The following OR10J5 variants were observed in gnomAD, a reference collection of about 807,000 sequenced individuals.
The protein encoded by OR10J5 is olfactory receptor family 10 subfamily J member 5.
For synonymous variants in OR10J5, 171 were observed against 137.1 expected, an observed-to-expected ratio of 1.25 and a Z score of -1.73; for missense variants, 389 against 372.1, an observed-to-expected ratio of 1.05 and a Z score of -0.37.
chr1:159,535,212 A>T lies in OR10J5; in HGVS notation c.796T>A (p.Ser266Thr), dbSNP rs981727870. Residue 266 changes from serine (S) to threonine (T), a missense_variant, in exon 1 of 1, where the codon TCA (serine) becomes ACA (threonine). Coordinates refer to ENST00000334857, the MANE Select transcript of OR10J5 (RefSeq NM_001004469.1). The part of the protein sequence containing the change: ...IAYLKPKSES[S>T]IEKDLVLSVT... ...GAGAGAACAAGGTCTTTTTCTATTG[A>T]ACTTTCTGACTTCGGCTTGAGGTAG... 12 of 1,613,896 alleles carry T rather than the reference A, an allele frequency of 7.4e-6. No homozygotes were observed. The highest frequency in any genetic ancestry group is 1.0e-5 in the Non-Finnish European group (12 of 1,180,024).
chr1:159,535,831 C>T lies in OR10J5; in HGVS notation c.177G>A (p.Met59Ile). Residue 59 changes from methionine (M) to isoleucine (I), a missense_variant, in exon 1 of 1, where the codon ATG (methionine) becomes ATA (isoleucine). Transcript: ENST00000334857. ...TAGCCAGCATGCTTAGGAAGAAATA[C>T]ATGGGAGTGTGGAGATGATGGTCAA... ...ICIDHHLHTP[M>I]YFFLSMLASS... 12 of 1,614,080 alleles carry T rather than the reference C, an allele frequency of 7.4e-6. No individual in the cohort carries two copies. The highest frequency in any genetic ancestry group is 2.2e-5 in the East Asian group (1 of 44,872).
rs1357383846 is a variant in OR10J5 at position 159,535,652 on chromosome 1, C to T, written c.356G>A (p.Gly119Glu). The part of the protein sequence containing the change: ...TNNCFLLTAM[G>E]YDRYVAICRP... ...GCAGATGGCCACATAGCGGTCATAC[C>T]CCATTGCAGTAAGCAGGAAGCAATT... The change falls in exon 1 of 1, where the codon GGG (glycine) becomes GAG (glutamate). Residue 119 changes from glycine to glutamate, a missense_variant. Transcript: ENST00000334857. 1.2e-6 allele frequency: 2 copies of T among 1,614,024 alleles called. No homozygotes were observed. The highest frequency in any genetic ancestry group is 8.5e-7 in the Non-Finnish European group (1 of 1,180,004).
chr1:159,535,365 T>G lies in OR10J5; in HGVS notation c.643A>C (p.Ile215Leu). Residue 215 changes from isoleucine (I) to leucine (L), a missense_variant, in exon 1 of 1, where the codon ATC (isoleucine) becomes CTC (leucine). Coordinates refer to ENST00000334857, the MANE Select transcript of OR10J5 (RefSeq NM_001004469.1). ...VIFVPIGLIF[I>L]SYVLVISSIL... Reference sequence around the variant, plus strand: ...GAAGAGATGACAAGGACATAGGAGATAAATATCAGGCCTATGGGCACAAAA... The same window carrying G: ...GAAGAGATGACAAGGACATAGGAGAGAAATATCAGGCCTATGGGCACAAAA... The G allele has an allele frequency of 6.2e-7, 1 of 1,614,064 alleles. No homozygotes were observed.
In OR10J5 at chr1:159,535,568, C is replaced by T. The variant is rs771300942; in HGVS notation, c.440G>A (p.Gly147Glu). The T allele has an allele frequency of 6.2e-7, 1 of 1,614,064 alleles. No individual in the cohort carries two copies. Among genetic ancestry groups the T allele is most frequent in the East Asian group, 2.2e-5 (1 of 44,878 alleles). ...CATAGTCAGACCAATGCCAAAGGAC[C>T]CACACACCAGCTGGGCACATAGTCC... ...SKGLCAQLVC[G>E]SFGIGLTMAV... The change falls in exon 1 of 1, where the codon GGG becomes GAG. Residue 147 changes from glycine (G) to glutamate (E), a missense_variant. Physicochemically the swap from Gly to Glu is moderately conservative, Grantham distance 98. Coordinates refer to ENST00000334857, the MANE Select transcript of OR10J5 (RefSeq NM_001004469.1).
rs1380652967 is a variant in OR10J5 at position 159,535,952 on chromosome 1, C to CT, written c.55dup (p.Ser19LysfsTer24). 3 of 1,613,002 alleles carry CT rather than the reference C, an allele frequency of 1.9e-6. No individual in the cohort carries two copies. Among genetic ancestry groups the CT allele is most frequent in the Non-Finnish European group, 1.7e-6 (2 of 1,179,698 alleles). ...GAGGGTTATCTGATGCTTTCCAAAGCTAGAAAATCCCAAGAAAATGAATTC... is the reference window on the plus strand; with the variant it reads ...GAGGGTTATCTGATGCTTTCCAAAGCTTAGAAAATCCCAAGAAAATGAATTC... On this transcript the variant is annotated frameshift_variant, in exon 1 of 1. Transcript: ENST00000334857. LOFTEE classifies it low-confidence loss of function (END_TRUNC).
rs774041317 is a variant in OR10J5 at position 159,535,234 on chromosome 1, G to A, written c.774C>T (p.Tyr258=). 1.2e-6 allele frequency: 2 copies of A among 1,614,036 alleles called. No homozygotes were observed. Among genetic ancestry groups the A allele is most frequent in the Non-Finnish European group, 8.5e-7 (1 of 1,180,024 alleles). The change falls in exon 1 of 1, where the codon TAC becomes TAT. Residue 258 remains tyrosine, a synonymous_variant. Coordinates refer to ENST00000334857, the MANE Select transcript of OR10J5 (RefSeq NM_001004469.1). ...IVHCGCASIA[Y]LKPKSESSIE... is the part of the protein sequence containing the mutation. ...TTGAACTTTCTGACTTCGGCTTGAG[G>A]TAGGCAATGGAGGCACAGCCACAGT... is the stretch of plus-strand genomic sequence containing the variant.
Position 159,535,414 on chromosome 1 carries a change from A to G in OR10J5, c.594T>C (p.Asn198=). 6.2e-7 allele frequency: 1 copy of G among 1,614,096 alleles called. No individual in the cohort carries two copies. The highest frequency in any genetic ancestry group is 8.5e-7 in the Non-Finnish European group (1 of 1,179,958). ...CIDTTINEII[N]YGVSSFVIFV... Reference sequence around the variant, plus strand: ...AAATCACAAATGAACTTACACCATAATTTATTATCTCATTGATAGTGGTAT... The same window carrying G: ...AAATCACAAATGAACTTACACCATAGTTTATTATCTCATTGATAGTGGTAT... Residue 198 remains asparagine, a synonymous_variant, in exon 1 of 1, where the codon AAT becomes AAC. Transcript: ENST00000334857.
Position 159,535,554 on chromosome 1 carries a change from C to G in OR10J5, c.454G>C (p.Gly152Arg). The part of the protein sequence containing the change: ...AQLVCGSFGI[G>R]LTMAVLHVTA... The stretch of plus-strand genomic sequence containing the variant: ...ACATGGAGAACTGCCATAGTCAGAC[C>G]AATGCCAAAGGACCCACACACCAGC... Residue 152 changes from glycine to arginine, a missense_variant, in exon 1 of 1, where the codon GGT (glycine) becomes CGT (arginine). Physicochemically the swap from Gly to Arg is moderately radical, Grantham distance 125. Coordinates refer to ENST00000334857, the MANE Select transcript of OR10J5 (RefSeq NM_001004469.1). 2 of 1,614,076 alleles carry G rather than the reference C, an allele frequency of 1.2e-6. No homozygotes were observed. Among genetic ancestry groups the G allele is most frequent in the Non-Finnish European group, 1.7e-6 (2 of 1,180,006 alleles).
chr1:159,535,743 T>G lies in OR10J5; in HGVS notation c.265A>C (p.Asn89His). ...PRMLLSLIFH[N>H]QPISLAGCAT... ...CAGCCTGCCAAGGAGATAGGTTGGTTATGAAAAATGAGGCTCAAAAGCATT... is the reference window on the plus strand; with the variant it reads ...CAGCCTGCCAAGGAGATAGGTTGGTGATGAAAAATGAGGCTCAAAAGCATT... Residue 89 changes from asparagine (N) to histidine (H), a missense_variant, in exon 1 of 1, where the codon AAC (asparagine) becomes CAC (histidine). Physicochemically the swap from Asn to His is moderately conservative, Grantham distance 68. Coordinates refer to ENST00000334857, the MANE Select transcript of OR10J5 (RefSeq NM_001004469.1). 1 of 1,614,154 alleles carries G rather than the reference T, an allele frequency of 6.2e-7. No homozygotes were observed. The highest frequency in any genetic ancestry group is 8.5e-7 in the Non-Finnish European group (1 of 1,180,036).
At position 159,535,280 on chromosome 1, in the gene OR10J5, T is replaced by C. The variant is rs762272541; in HGVS notation, c.728A>G (p.His243Arg). The change falls in exon 1 of 1, where the codon CAC becomes CGC. Residue 243 changes from histidine to arginine, a missense_variant. His to Arg is a conservative substitution (Grantham distance 29, BLOSUM62 0). Transcript: ENST00000334857. ...RKKTFATCVS[H>R]LTVVIVHCGC... The stretch of plus-strand genomic sequence containing the variant: ...ACAGTGGACAATAACCACAGTGAGG[T>C]GGGAGACACAGGTGGCAAAGGTCTT... 44 of 1,613,900 alleles carry C rather than the reference T, an allele frequency of 2.7e-5. No homozygotes were observed. The highest frequency in any genetic ancestry group is 3.7e-5 in the Non-Finnish European group (44 of 1,179,976).
chr1:159,535,942 C>G lies in OR10J5; in HGVS notation c.66G>C (p.Lys22Asn), dbSNP rs749463613. 7 of 1,612,780 alleles carry G rather than the reference C, an allele frequency of 4.3e-6. No homozygotes were observed. The highest frequency in any genetic ancestry group is 5.1e-6 in the Non-Finnish European group (6 of 1,179,628). ...FIFLGFSSFG[K>N]HQITLFVVFL... is the part of the protein sequence containing the mutation. ...AAACCACAAAGAGGGTTATCTGATG[C>G]TTTCCAAAGCTAGAAAATCCCAAGA... Residue 22 changes from lysine (K) to asparagine (N), a missense_variant, in exon 1 of 1, where the codon AAG (lysine) becomes AAC (asparagine). Transcript: ENST00000334857.
In OR10J5 at chr1:159,535,657, T is replaced by G; in HGVS notation, c.351A>C (p.Ala117=). ...LATNNCFLLT[A]MGYDRYVAIC... ...TGGCCACATAGCGGTCATACCCCAT[T>G]GCAGTAAGCAGGAAGCAATTATTAG... Residue 117 remains alanine (A), a synonymous_variant, in exon 1 of 1, where the codon GCA becomes GCC. Coordinates refer to ENST00000334857, the MANE Select transcript of OR10J5 (RefSeq NM_001004469.1). 3.1e-6 allele frequency: 5 copies of G among 1,614,050 alleles called. No homozygotes were observed. The highest frequency in any genetic ancestry group is 4.2e-6 in the Non-Finnish European group (5 of 1,179,996).
rs1433358314 is a variant in OR10J5, at chr1:159,535,480, G to A, written c.528C>T (p.Phe176=). 6.2e-7 allele frequency: 1 copy of A among 1,614,122 alleles called. No homozygotes were observed. Among genetic ancestry groups the A allele is most frequent in the Non-Finnish European group, 8.5e-7 (1 of 1,179,982 alleles). ...LPFCGTVVDH[F]FCDIYPVMKL... Reference sequence around the variant, plus strand: ...TCATGACTGGGTAAATGTCACAAAAGAAGTGGTCTACCACTGTGCCACAGA... The same window carrying A: ...TCATGACTGGGTAAATGTCACAAAAAAAGTGGTCTACCACTGTGCCACAGA... Residue 176 remains phenylalanine, a synonymous_variant, in exon 1 of 1, where the codon TTC becomes TTT. Coordinates refer to ENST00000334857, the MANE Select transcript of OR10J5 (RefSeq NM_001004469.1).
chr1:159,535,598 C>T lies in OR10J5; in HGVS notation c.410G>A (p.Ser137Asn), dbSNP rs1657838144. The T allele has an allele frequency of 6.2e-7, 1 of 1,614,100 alleles. No individual in the cohort carries two copies. Among genetic ancestry groups the T allele is most frequent in the Non-Finnish European group, 8.5e-7 (1 of 1,180,026 alleles). The change falls in exon 1 of 1, where the codon AGC becomes AAC. Residue 137 changes from serine to asparagine, a missense_variant. Transcript: ENST00000334857. ...CRPLRYTVIM[S>N]KGLCAQLVCG... ...CACCAGCTGGGCACATAGTCCCTTG[C>T]TCATGATGACAGTGTATCTCAGGGG...
Position 159,535,379 on chromosome 1 carries a change from A to C in OR10J5, c.629T>G (p.Ile210Arg). Residue 210 changes from isoleucine to arginine, a missense_variant, in exon 1 of 1, where the codon ATA (isoleucine) becomes AGA (arginine). Ile to Arg is a moderately conservative substitution (Grantham distance 97). Transcript: ENST00000334857. ...GVSSFVIFVP[I>R]GLIFISYVLV... is the part of the protein sequence containing the mutation. Reference sequence around the variant, plus strand: ...GACATAGGAGATAAATATCAGGCCTATGGGCACAAAAATCACAAATGAACT... The same window carrying C: ...GACATAGGAGATAAATATCAGGCCTCTGGGCACAAAAATCACAAATGAACT... 1 of 1,614,156 alleles carries C rather than the reference A, an allele frequency of 6.2e-7. No individual in the cohort carries two copies. The highest frequency in any genetic ancestry group is 8.5e-7 in the Non-Finnish European group (1 of 1,180,002).
rs776796325 is a variant in OR10J5 at position 159,535,275 on chromosome 1, T to G, written c.733A>C (p.Thr245Pro). Residue 245 changes from threonine (T) to proline (P), a missense_variant, in exon 1 of 1, where the codon ACT becomes CCT. Transcript: ENST00000334857. ...KTFATCVSHL[T>P]VVIVHCGCAS... The stretch of plus-strand genomic sequence containing the variant: ...CAGCCACAGTGGACAATAACCACAG[T>G]GAGGTGGGAGACACAGGTGGCAAAG... 2.5e-6 allele frequency: 4 copies of G among 1,613,858 alleles called. No individual in the cohort carries two copies. In the African/African-American group the frequency reaches 5.3e-5, roughly 22 times the overall value.
chr1:159,535,650 A>G lies in OR10J5; in HGVS notation c.358T>C (p.Tyr120His), dbSNP rs1211879600. The change falls in exon 1 of 1, where the codon TAT becomes CAT. Residue 120 changes from tyrosine (Y) to histidine (H), a missense_variant. Physicochemically the swap from Tyr to His is moderately conservative, Grantham distance 83 (BLOSUM62 2). Transcript: ENST00000334857. The stretch of plus-strand genomic sequence containing the variant: ...CTGCAGATGGCCACATAGCGGTCAT[A>G]CCCCATTGCAGTAAGCAGGAAGCAA... ...NNCFLLTAMGYDRYVAICRPL... is the reference protein window; with the variant it reads ...NNCFLLTAMGHDRYVAICRPL... 1.2e-6 allele frequency: 2 copies of G among 1,614,014 alleles called. No homozygotes were observed. Among genetic ancestry groups the G allele is most frequent in the Non-Finnish European group, 1.7e-6 (2 of 1,180,020 alleles).
Position 159,535,950 on chromosome 1 carries a change from A to T in OR10J5, c.58T>A (p.Phe20Ile), listed in dbSNP as rs1657845651. Residue 20 changes from phenylalanine (F) to isoleucine (I), a missense_variant, in exon 1 of 1, where the codon TTT becomes ATT. Physicochemically the swap from Phe to Ile is conservative, Grantham distance 21. Coordinates refer to ENST00000334857, the MANE Select transcript of OR10J5 (RefSeq NM_001004469.1). ...AAGAGGGTTATCTGATGCTTTCCAA[A>T]GCTAGAAAATCCCAAGAAAATGAAT... ...SEFIFLGFSS[F>I]GKHQITLFVV... is the part of the protein sequence containing the mutation. The T allele has an allele frequency of 1.9e-6, 3 of 1,613,472 alleles. No individual in the cohort carries two copies. In the African/African-American group the frequency reaches 4.0e-5, roughly 22 times the overall value.
rs774318949 is a variant in OR10J5, at chr1:159,535,843, G to GAGATGATGGTCAATGC, written c.149_164dup (p.Thr57Ter). On this transcript the variant is annotated stop_gained and frameshift_variant, in exon 1 of 1. Coordinates refer to ENST00000334857, the MANE Select transcript of OR10J5 (RefSeq NM_001004469.1). LOFTEE classifies it low-confidence loss of function (END_TRUNC). Reference sequence around the variant, plus strand: ...TTAGGAAGAAATACATGGGAGTGTGGAGATGATGGTCAATGCAGATGATAG... The same window carrying GAGATGATGGTCAATGC: ...TTAGGAAGAAATACATGGGAGTGTGGAGATGATGGTCAATGCAGATGATGGTCAATGCAGATGATAG... 19 of 1,614,074 alleles carry GAGATGATGGTCAATGC rather than the reference G, an allele frequency of 1.2e-5. No individual in the cohort carries two copies. The highest frequency in any genetic ancestry group is 1.4e-5 in the Non-Finnish European group (17 of 1,180,024).
Sources: gnomAD v4.1 joint callset for allele counts on GRCh38, gnomAD v4.1.1 for gene constraint, MANE v1.5 for transcripts, NCBI Gene and HGNC (gene_info 2026-07-23, HGNC 2026-07-21) for gene names.